Variants in WDR24 observed in about 807,000 individuals in gnomAD.
WDR24 encodes the protein GATOR2 complex protein WDR24.
WDR24 carries 32 observed loss-of-function variants against 66.7 expected under a neutral mutation model. That is an observed-to-expected ratio of 0.48 (90% CI 0.36 to 0.64). WDR24 has a LOEUF of 0.64. Among genes scored for constraint, WDR24 ranks in the 30% least tolerant of loss-of-function variants. WDR24 has a pLI of 0.00. For synonymous variants in WDR24, 565 were observed against 469.1 expected, an observed-to-expected ratio of 1.20 and a Z score of -2.64; for missense variants, 978 against 1,144.1, an observed-to-expected ratio of 0.85 and a Z score of 2.09.
At chr16:688,111 A>T (rs1720777265) in intron 1 of WDR24, 1 of 468,260 alleles carries the variant, frequency 2.1e-6, no homozygotes, top group South Asian at 1.5e-5. Flanking sequence ...AGGCCCAAGG[A>T]GGTGCTGAGG....
chr16:687,471 C>A, intron 2 of WDR24, 55 bp from the exon 3 acceptor site: 2 of 1,564,622 alleles, frequency 1.3e-6, no homozygotes, highest in Non-Finnish European at 8.6e-7. Flanking sequence ...AGAGAGGGGA[C>A]CCCCCCGCTC....
rs576210952 is a variant in WDR24 at position 686,465 on chromosome 16, G to A, written c.1332+279C>T. On this transcript the variant is annotated intron_variant, in intron 3 of 8. Transcript: ENST00000293883. ...GCAGCTCACGGCTCCACCGCTGCTG[G>A]TGCCTGGAGAGCTCCAGAAGCAAGG... Among the ~76,000 whole-genome samples the A allele has an allele frequency of 7.2e-5, 11 of 152,288 alleles. No individual in the cohort carries two copies. In the South Asian group the frequency reaches 2.1e-3, roughly 29 times the overall value.
rs765746665 is a variant in WDR24 at position 685,544 on chromosome 16, T to A, written c.1732A>T (p.Ile578Phe). ...PQEAFPLRHE[I>F]VDTPPGPEHL... Reference sequence around the variant, plus strand: ...TCGGGCCCGGGAGGCGTGTCCACGATCTCGTGGCGCAGCGGAAAGGCCTCC... The same window carrying A: ...TCGGGCCCGGGAGGCGTGTCCACGAACTCGTGGCGCAGCGGAAAGGCCTCC... Residue 578 changes from isoleucine to phenylalanine, a missense_variant, in exon 7 of 9, where the codon ATC becomes TTC. This residue lies in a region of WDR24 where 676 missense variants were observed against 617.5 expected (regional missense o/e 1.09). Coordinates refer to ENST00000293883, the MANE Select transcript of WDR24 (RefSeq NM_032259.4). 27 of 1,585,494 alleles carry A rather than the reference T, an allele frequency of 1.7e-5. No homozygotes were observed. The East Asian group carries it at 5.9e-4, about 34-fold the overall frequency.
rs865923354 is a variant in WDR24, at chr16:686,956, G to A, written c.1120C>T (p.Arg374Cys). 3.1e-6 allele frequency: 5 copies of A among 1,599,412 alleles called. No individual in the cohort carries two copies. Among genetic ancestry groups the A allele is most frequent in the Non-Finnish European group, 2.5e-6 (3 of 1,176,526 alleles). Residue 374 changes from arginine to cysteine, a missense_variant, in exon 3 of 9, where the codon CGC becomes TGC. This residue lies in a region of WDR24 where 676 missense variants were observed against 617.5 expected (regional missense o/e 1.09). Transcript: ENST00000293883. ...SGRKPYTGDR[R>C]HPIFFKRKLD... The stretch of plus-strand genomic sequence containing the variant: ...TTGCGCTTAAAGAAGATGGGGTGGC[G>A]CCGGTCGCCAGTGTAGGGCTTGCGC...
Position 689,736 on chromosome 16 carries a change from G to C in WDR24, c.-96C>G. 2 of 1,516,494 alleles carry C rather than the reference G, an allele frequency of 1.3e-6. No individual in the cohort carries two copies. Among genetic ancestry groups the C allele is most frequent in the South Asian group, 1.3e-5 (1 of 78,368 alleles). 93.9% of individuals were successfully genotyped at this position (1,516,494 alleles called of 1,614,324 possible). On this transcript the variant is annotated 5_prime_UTR_variant, in exon 1 of 9. Transcript: ENST00000293883. ...TCATCAGTTCAGACCTTCCACCCAG[G>C]TTGGGACCCCAGAACTGCTTGGTCC...
chr16:688,226 C>T (rs1567294639), intron 1 of WDR24: 3 of 370,102 alleles, frequency 8.1e-6, no homozygotes, highest in South Asian at 3.9e-5. Context: ...TAGGGGACCA[C>T]CACACCAAGA....
intron 3 of WDR24, among the ~76,000 whole-genome samples, 189 bp from the exon 4 acceptor site, chr16:686,375 G>C (rs79738299): frequency 0.04 from 6,040 of 152,312 alleles, 153 homozygotes; most frequent in African/African-American, 0.07. Flanking sequence ...CCCTACAGCA[G>C]CACAGAGGAA....
rs991442282 is a variant in WDR24, at chr16:689,612, G to A, written c.29C>T (p.Ala10Val). 7 of 1,612,674 alleles carry A rather than the reference G, an allele frequency of 4.3e-6. No homozygotes were observed. The highest frequency in any genetic ancestry group is 3.3e-4 in the Middle Eastern group (2 of 6,084). Residue 10 changes from alanine to valine, a missense_variant, in exon 1 of 9, where the codon GCC becomes GTC. By Grantham distance (64) the Ala-to-Val change is moderately conservative. Around this residue, in one of 2 missense-constraint regions of WDR24, gnomAD observed 302 missense variants for 526.6 expected, o/e 0.57. Transcript: ENST00000293883. Reference sequence around the variant, plus strand: ...GCCTGTCAGCACGCTGCCACCCAGGGCTGTGGTCACACGGGACATCTTCTC... The same window carrying A: ...GCCTGTCAGCACGCTGCCACCCAGGACTGTGGTCACACGGGACATCTTCTC... MEKMSRVTTALGGSVLTGRT... is the reference protein window; with the variant it reads MEKMSRVTTVLGGSVLTGRT...
At position 689,955 on chromosome 16, in the gene WDR24, G is replaced by A. The variant is rs1205696725; in HGVS notation, c.-315C>T. 3.4e-6 allele frequency: 2 copies of A among 591,728 alleles called. No individual in the cohort carries two copies. The highest frequency in any genetic ancestry group is 1.8e-5 in the African/African-American group (1 of 54,604). The allele number at this position is 591,728 out of a possible 1,614,324, so 36.7% of individuals were successfully genotyped here. A position where few individuals can be genotyped will look rare whatever the true frequency, so the allele number is the denominator to read the frequency against. ...CGGAAGACTCTAGCTGGACATTCCC[G>A]GCCCAGGCCACCTCTCGGTACCCCC... On this transcript the variant is annotated 5_prime_UTR_variant, in exon 1 of 9. Transcript: ENST00000293883.
rs776521521 is a variant in WDR24, at chr16:685,959, C to T, written c.1483G>A (p.Gly495Ser). 3.1e-6 allele frequency: 5 copies of T among 1,613,016 alleles called. No individual in the cohort carries two copies. The highest frequency in any genetic ancestry group is 4.2e-6 in the Non-Finnish European group (5 of 1,180,008). ...FNLKDMAPGL[G>S]SETRLDRSKG... Reference sequence around the variant, plus strand: ...CTGCGGTCCAGCCGCGTCTCACTGCCCAACCCTGGGGCCATATCCTTCAGG... The same window carrying T: ...CTGCGGTCCAGCCGCGTCTCACTGCTCAACCCTGGGGCCATATCCTTCAGG... The change falls in exon 5 of 9, where the codon GGC becomes AGC. Residue 495 changes from glycine to serine, a missense_variant. Gly to Ser is a moderately conservative substitution (Grantham distance 56). Around this residue, in one of 2 missense-constraint regions of WDR24, gnomAD observed 676 missense variants for 617.5 expected, o/e 1.09. Coordinates refer to ENST00000293883, the MANE Select transcript of WDR24 (RefSeq NM_032259.4).
rs577644882 is a variant in WDR24, at chr16:686,060, G to C, written c.1451+8C>G. 7 of 1,612,818 alleles carry C rather than the reference G, an allele frequency of 4.3e-6. No homozygotes were observed. The highest frequency in any genetic ancestry group is 1.1e-5 in the South Asian group (1 of 91,076). On this transcript the variant is annotated splice_region_variant and intron_variant, in intron 4 of 8. Coordinates refer to ENST00000293883, the MANE Select transcript of WDR24 (RefSeq NM_032259.4). ...CAGCCCCTGGGGAGAGCTGCCCCCG[G>C]CATCTACCTGTTCATGAGCGGGAGG...
At chr16:688,157 G>C in intron 1 of WDR24, 1 of 444,906 alleles carries the variant, frequency 2.2e-6, no homozygotes, top group Non-Finnish European at 4.6e-6. Context: ...CCTTCACCTG[G>C]AGCTGGAACT....
At position 688,031 on chromosome 16, in the gene WDR24, G is replaced by A. The variant is rs1034187449; in HGVS notation, c.482-292C>T. ...TGAGCAAAGCTGTGGTGCAGCCTCA[G>A]GATGCGGCAGCTGAGCACTGGGAGA... On this transcript the variant is annotated intron_variant, in intron 1 of 8. Transcript: ENST00000293883. The A allele has an allele frequency of 5.2e-6, 3 of 574,050 alleles. No homozygotes were observed. In the African/African-American group the frequency reaches 5.5e-5, roughly 11 times the overall value. The allele number at this position is 574,050 out of a possible 1,614,324, so 35.6% of individuals were successfully genotyped here.
intron 3 of WDR24, among the ~76,000 whole-genome samples, 199 bp downstream of exon 3, chr16:686,545 G>A (rs147541855): frequency 9.9e-5 from 10 of 101,364 alleles, no homozygotes; most frequent in South Asian, 3.6e-4. Flanking sequence ...GCCCCTCAGA[G>A]GACAGTCCTG....
chr16:686,056 C>T lies in WDR24; in HGVS notation c.1451+12G>A. On this transcript the variant is annotated intron_variant, in intron 4 of 8. Coordinates refer to ENST00000293883, the MANE Select transcript of WDR24 (RefSeq NM_032259.4). ...GCCCCAGCCCCTGGGGAGAGCTGCC[C>T]CCGGCATCTACCTGTTCATGAGCGG... The T allele has an allele frequency of 1.9e-6, 3 of 1,612,808 alleles. No homozygotes were observed. The highest frequency in any genetic ancestry group is 2.5e-6 in the Non-Finnish European group (3 of 1,179,920).
rs774268366 is a variant in WDR24, at chr16:685,777, T to G, written c.1580A>C (p.Glu527Ala). The change falls in exon 6 of 9, where the codon GAG becomes GCG. Residue 527 changes from glutamate (E) to alanine (A), a missense_variant. Around this residue, in one of 2 missense-constraint regions of WDR24, gnomAD observed 676 missense variants for 617.5 expected, o/e 1.09. Transcript: ENST00000293883. ...SATLITNEDN[E>A]ETEGSDVPAD... ...AGGTACGTCGCTGCCCTCGGTTTCCTCGTTATCTGCCCGACAATGGGGCGG... is the reference window on the plus strand; with the variant it reads ...AGGTACGTCGCTGCCCTCGGTTTCCGCGTTATCTGCCCGACAATGGGGCGG... 2 of 1,613,172 alleles carry G rather than the reference T, an allele frequency of 1.2e-6. No homozygotes were observed. The highest frequency in any genetic ancestry group is 2.2e-5 in the South Asian group (2 of 91,092).
At chr16:687,530 C>T in intron 2 of WDR24, 32 bp downstream of exon 2, 1 of 1,605,596 alleles carries the variant, frequency 6.2e-7, no homozygotes, top group Non-Finnish European at 8.5e-7. Context: ...AGCTTACTGT[C>T]AACCTACTGC....
Position 684,914 on chromosome 16 carries a change from CGGGA to C in WDR24, c.2205-16_2205-13del. Reference sequence around the variant, plus strand: ...CGCAGCGGTGGCACCTGGGGGCGGGCGGGAGGGAGGGTGCCTCAGCGGGGGCTGC... The same window carrying C: ...CGCAGCGGTGGCACCTGGGGGCGGGCGGGAGGGTGCCTCAGCGGGGGCTGC... On this transcript the variant is annotated splice_polypyrimidine_tract_variant and intron_variant, in intron 8 of 8. Transcript: ENST00000293883. 3.5e-5 allele frequency: 2 copies of C among 56,936 alleles called. No homozygotes were observed. Among genetic ancestry groups the C allele is most frequent in the Admixed American group, 5.9e-4 (2 of 3,366 alleles). The allele number at this position is 56,936 out of a possible 1,614,324, so 3.5% of individuals were successfully genotyped here. A position where few individuals can be genotyped will look rare whatever the true frequency, so the allele number is the denominator to read the frequency against.
Position 687,110 on chromosome 16 carries a change from C to T in WDR24, c.966G>A (p.Ser322=), listed in dbSNP as rs565719264. Residue 322 remains serine, a synonymous_variant, in exon 3 of 9, where the codon TCG becomes TCA. Coordinates refer to ENST00000293883, the MANE Select transcript of WDR24 (RefSeq NM_032259.4). The part of the protein sequence containing the change: ...SFLLSGSKDS[S]LCQHLFRDAS... ...CGTCGCGGAACAGGTGCTGGCACAG[C>T]GAGCTGTCCTTGGAGCCAGACAGCA... The T allele has an allele frequency of 1.5e-5, 24 of 1,610,494 alleles. No individual in the cohort carries two copies. The highest frequency in any genetic ancestry group is 1.2e-4 in the Admixed American group (7 of 59,942).
Sources: gnomAD v4.1 joint callset for allele counts (sites outside exome capture counted in the v4.1 genomes callset) on GRCh38, gnomAD v4.1.1 for gene constraint, gnomAD v4.1.1 regional missense constraint, MANE v1.5 for transcripts, NCBI Gene and HGNC (gene_info 2026-07-23, HGNC 2026-07-21) for gene names.